Variants in SIPA1L2 observed in about 807,000 individuals in gnomAD.
The protein encoded by SIPA1L2 is signal-induced proliferation-associated 1-like protein 2.
SIPA1L2 carries 56 observed loss-of-function variants against 163.9 expected under a neutral mutation model. The observed-to-expected ratio is 0.34, with a 90% CI of 0.28 to 0.43. The LOEUF (loss-of-function observed/expected upper bound fraction) is 0.43. SIPA1L2 is among the 20% of genes least tolerant of loss of function. The pLI is 1.00. For missense variants in SIPA1L2, 1,974 were observed against 2,193.5 expected (o/e 0.90, Z 2.00); for synonymous variants, 877 against 865.7 (o/e 1.01, Z -0.23).
intron 2 of SIPA1L2, among the ~76,000 whole-genome samples, chr1:232,536,630 A>C (rs1657322606): frequency 6.6e-6 from 1 of 152,222 alleles, no homozygotes; most frequent in Admixed American, 6.5e-5. Flanking sequence ...CTGGTGAAAA[A>C]GAGTTCTCCA....
chr1:232,404,452 T>G (rs1660527933), intron 19 of SIPA1L2, among the ~76,000 whole-genome samples: 1 of 152,152 alleles, frequency 6.6e-6, no homozygotes, highest in African/African-American at 2.4e-5. Flanking sequence ...ACTGTGGGCT[T>G]ACTTAAATGA....
In SIPA1L2 at chr1:232,432,459, A is replaced by T; in HGVS notation, c.4044T>A (p.His1348Gln). 6.2e-7 allele frequency: 1 copy of T among 1,614,168 alleles called. No individual in the cohort carries two copies. Among genetic ancestry groups the T allele is most frequent in the Non-Finnish European group, 8.5e-7 (1 of 1,179,964 alleles). ...AACAGTGAGCTGAAGGGCTTCCTGA[A>T]TGGTGAGAACCACTGAGGAGAAAAA... ...EISSHSSGSH[H>Q]SGSPSAHCSK... is the part of the protein sequence containing the mutation. Residue 1348 changes from histidine to glutamine, a missense_variant, in exon 16 of 23, where the codon CAT becomes CAA. By Grantham distance (24) the His-to-Gln change is conservative. This residue lies in a region of SIPA1L2 where 1,079 missense variants were observed against 1,150.7 expected (regional missense o/e 0.94). Coordinates refer to ENST00000674635, the MANE Select transcript of SIPA1L2 (RefSeq NM_020808.5).
chr1:232,563,562 C>A (rs765494566), intron 2 of SIPA1L2, among the ~76,000 whole-genome samples: 3 of 152,148 alleles, frequency 2.0e-5, no homozygotes, highest in Non-Finnish European at 2.9e-5. Context: ...TTTCAAGTTT[C>A]CCTTACACTG....
rs1660607973 is a variant in SIPA1L2, at chr1:232,585,470, C to T, written c.-318-11248G>A. On this transcript the variant is annotated intron_variant, in intron 1 of 22. Coordinates refer to ENST00000674635, the MANE Select transcript of SIPA1L2 (RefSeq NM_020808.5). ...GTCTAAGGGGCAGTGGGGAAAGGGA[C>T]AGGCCAATGGTTAATGCCTAATGGA... 2.0e-5 allele frequency among the ~76,000 whole-genome samples: 3 copies of T among 152,178 alleles called. No individual in the cohort carries two copies. In the South Asian group the frequency reaches 6.2e-4, roughly 31 times the overall value.
intron 18 of SIPA1L2, among the ~76,000 whole-genome samples, chr1:232,421,432 C>G (rs1405215644): frequency 6.6e-6 from 1 of 152,110 alleles, no homozygotes; most frequent in African/African-American, 2.4e-5. Flanking sequence ...TGCCAAGGAG[C>G]CTCTCAACAG....
chr1:232,483,661 A>C (rs750881522), intron 6 of SIPA1L2, 131 bp downstream of exon 6: 1 of 931,096 alleles, frequency 1.1e-6, no homozygotes, highest in Non-Finnish European at 1.6e-6. Flanking sequence ...TCTAAACTCT[A>C]TTCCAAATAA....
intron 8 of SIPA1L2, among the ~76,000 whole-genome samples, chr1:232,468,980 C>A (rs901935256): frequency 1.3e-5 from 2 of 152,292 alleles, no homozygotes; most frequent in Admixed American, 1.3e-4. Context: ...TTCCAGTGGA[C>A]CCAGCATAAC....
At chr1:232,603,666 G>T (rs1472104642) in intron 1 of SIPA1L2, among the ~76,000 whole-genome samples, 4 of 152,086 alleles carry the variant, frequency 2.6e-5, no homozygotes, top group African/African-American at 7.2e-5. Context: ...AGAGGTGTGG[G>T]AGAGCTGGGG....
At chr1:232,596,992 A>C (rs1332114173) in intron 1 of SIPA1L2, among the ~76,000 whole-genome samples, 1 of 152,198 alleles carries the variant, frequency 6.6e-6, no homozygotes, top group Admixed American at 6.5e-5. Context: ...TGGTTTTCAC[A>C]ACAAGCTGTG....
chr1:232,446,160 G>C (rs1663206921), intron 10 of SIPA1L2, among the ~76,000 whole-genome samples: 1 of 152,026 alleles, frequency 6.6e-6, no homozygotes, highest in Non-Finnish European at 1.5e-5. Context: ...CCAATACACA[G>C]CTAAAAAAAA....
intron 19 of SIPA1L2, among the ~76,000 whole-genome samples, chr1:232,413,653 G>A (rs1240020280): frequency 2.0e-5 from 3 of 152,104 alleles, no homozygotes; most frequent in Admixed American, 1.3e-4. Context: ...TGTTACTAGC[G>A]CTTCTCCTTT....
rs765099175 is a variant in SIPA1L2 at position 232,513,846 on chromosome 1, C to T, written c.1483+11G>A. On this transcript the variant is annotated intron_variant, in intron 3 of 22. Transcript: ENST00000674635. ...CCGAGACACATGCAAACGCCCATGG[C>T]TCTTCCTTACCTTTCCCATAGAAGA... The T allele has an allele frequency of 1.3e-6, 2 of 1,546,224 alleles. No homozygotes were observed. Among genetic ancestry groups the T allele is most frequent in the East Asian group, 2.3e-5 (1 of 44,432 alleles).
At chr1:232,463,861 C>G (rs1664371275) in intron 9 of SIPA1L2, among the ~76,000 whole-genome samples, 1 of 152,142 alleles carries the variant, frequency 6.6e-6, no homozygotes, top group South Asian at 2.1e-4. Flanking sequence ...TTACTGTAAA[C>G]AGAGTCCACA....
At chr1:232,457,115 T>C (rs572880) in intron 10 of SIPA1L2, among the ~76,000 whole-genome samples, 45,051 of 152,090 alleles carry the variant, frequency 0.3, 7,062 homozygotes, top group Middle Eastern at 0.52. Flanking sequence ...ATAAATACTT[T>C]TATGGGAATT....
intron 13 of SIPA1L2, 60 bp from the exon 14 acceptor site, chr1:232,441,454 G>T: frequency 7.4e-7 from 1 of 1,358,934 alleles, no homozygotes. Context: ...AAAGAGTAAA[G>T]AAAACCAGGA....
At chr1:232,506,136 T>C (rs1218310020) in intron 3 of SIPA1L2, among the ~76,000 whole-genome samples, 2 of 152,288 alleles carry the variant, frequency 1.3e-5, no homozygotes, top group South Asian at 2.1e-4. Context: ...GCCATATGGT[T>C]CTACTTGTTT....
intron 1 of SIPA1L2, among the ~76,000 whole-genome samples, chr1:232,583,911 C>T (rs535606438): frequency 8.7e-4 from 133 of 152,254 alleles, no homozygotes; most frequent in African/African-American, 3.1e-3. Context: ...CATTCTCCTT[C>T]GAAGCAAGCC....
Position 232,439,338 on chromosome 1 carries a change from G to A in SIPA1L2, c.3801C>T (p.Ile1267=), listed in dbSNP as rs370115468. The change falls in exon 15 of 23, where the codon ATC becomes ATT. Residue 1267 remains isoleucine (I), a synonymous_variant. Coordinates refer to ENST00000674635, the MANE Select transcript of SIPA1L2 (RefSeq NM_020808.5). ...TGGCAGGCATGCAGGGGGCCGTGTC[G>A]ATGCCACTGTCGGTGGAGGCCCCTT... The part of the protein sequence containing the change: ...YIKGASTDSG[I]DTAPCMPATI... 3.0e-5 allele frequency: 48 copies of A among 1,614,070 alleles called. No individual in the cohort carries two copies. The highest frequency in any genetic ancestry group is 2.3e-4 in the Admixed American group (14 of 60,008).
At chr1:232,625,850 G>A (rs958461544) in intron 1 of SIPA1L2, among the ~76,000 whole-genome samples, 7 of 152,146 alleles carry the variant, frequency 4.6e-5, no homozygotes, top group Non-Finnish European at 8.8e-5. Context: ...AGGTATTACC[G>A]GAAGACCACT....
Sources: gnomAD v4.1 joint callset for allele counts (sites outside exome capture counted in the v4.1 genomes callset) on GRCh38, gnomAD v4.1.1 for gene constraint, gnomAD v4.1.1 regional missense constraint, MANE v1.5 for transcripts, NCBI Gene and HGNC (gene_info 2026-07-23, HGNC 2026-07-21) for gene names.